CPNE8: variants seen among roughly 807,000 people sequenced by gnomAD.
CPNE8 encodes copine 8, also known as copine-8.
A neutral mutation model predicts 81.5 loss-of-function variants in CPNE8; 45 were observed. The ratio of observed to expected loss-of-function variants is 0.55; its 90% confidence interval spans 0.44 to 0.71. CPNE8 has a LOEUF of 0.71. Ranked by LOEUF, CPNE8 falls within the 30% of genes least tolerant of loss-of-function variation. CPNE8 has a pLI of 0.00. For missense variants in CPNE8, 594 were observed against 672.1 expected (o/e 0.88, Z 1.28); for synonymous variants, 252 against 226.3 (o/e 1.11, Z -1.02).
chr12:38,685,578 C>G lies in CPNE8; in HGVS notation c.1183G>C (p.Gly395Arg). ...CTCCTGTAATAAGCCTCCATGACCC[C>G]CTCAATGCCATCACAGTAGGGGTTT... The part of the protein sequence containing the change: ...PQNPYCDGIE[G>R]VMEAYYRSLK... Residue 395 changes from glycine (G) to arginine (R), a missense_variant, in exon 16 of 20, where the codon GGG (glycine) becomes CGG (arginine). Coordinates refer to ENST00000331366, the MANE Select transcript of CPNE8 (RefSeq NM_153634.3). 6.2e-7 allele frequency: 1 copy of G among 1,613,532 alleles called. No homozygotes were observed.
intron 15 of CPNE8, 159 bp from the exon 16 acceptor site, chr12:38,685,776 G>T (rs1592009006): frequency 1.8e-6 from 1 of 564,992 alleles, no homozygotes; most frequent in Non-Finnish European, 3.0e-6. Flanking sequence ...AATACATTAA[G>T]TAAGTGATCA....
chr12:38,777,302 A>G (rs745313073), intron 6 of CPNE8, among the ~76,000 whole-genome samples: 5 of 152,216 alleles, frequency 3.3e-5, no homozygotes, highest in African/African-American at 4.8e-5. Flanking sequence ...AACAGAAAAA[A>G]GATTACTGAA....
intron 8 of CPNE8, among the ~76,000 whole-genome samples, chr12:38,766,657 A>G (rs1453480984): frequency 6.6e-6 from 1 of 152,110 alleles, no homozygotes; most frequent in Non-Finnish European, 1.5e-5. Flanking sequence ...ATAACAACAT[A>G]TTGTATAGTT....
chr12:38,783,500 C>T (rs1020628293), intron 6 of CPNE8, among the ~76,000 whole-genome samples: 1 of 152,128 alleles, frequency 6.6e-6, no homozygotes. Flanking sequence ...AGGTATTGAA[C>T]TCAGTGCTGC....
intron 10 of CPNE8, among the ~76,000 whole-genome samples, chr12:38,746,158 C>G (rs1438750069): frequency 6.6e-6 from 1 of 151,936 alleles, no homozygotes; most frequent in Non-Finnish European, 1.5e-5. Context: ...ATGACAATGT[C>G]ATCACAGAGA....
intron 13 of CPNE8, among the ~76,000 whole-genome samples, chr12:38,713,949 G>A (rs1007452591): frequency 5.9e-5 from 9 of 151,994 alleles, no homozygotes; most frequent in Admixed American, 2.6e-4. Context: ...GCAGGGACTC[G>A]GTGTGCAACA....
At chr12:38,879,074 A>T (rs908968494) in intron 1 of CPNE8, among the ~76,000 whole-genome samples, 1 of 152,206 alleles carries the variant, frequency 6.6e-6, no homozygotes, top group African/African-American at 2.4e-5. Flanking sequence ...AATTTAAGTG[A>T]TCTAAATAAA....
intron 18 of CPNE8, among the ~76,000 whole-genome samples, chr12:38,675,304 T>C (rs988818232): frequency 3.3e-5 from 5 of 152,196 alleles, no homozygotes; most frequent in Non-Finnish European, 5.9e-5. Flanking sequence ...ACATTTCTTT[T>C]CACAACCTAA....
At chr12:38,861,487 A>G (rs921048090) in intron 3 of CPNE8, among the ~76,000 whole-genome samples, 6 of 152,194 alleles carry the variant, frequency 3.9e-5, no homozygotes, top group African/African-American at 1.4e-4. Context: ...AACATGACCT[A>G]CACAGAACAT....
At chr12:38,903,955 T>C (rs141984850) in intron 1 of CPNE8, among the ~76,000 whole-genome samples, 3,803 of 152,156 alleles carry the variant, frequency 0.025, 69 homozygotes, top group Non-Finnish European at 0.039. Context: ...AACAATCAGG[T>C]GATATAGTTT....
At chr12:38,808,947 G>C (rs1942879321) in intron 6 of CPNE8, among the ~76,000 whole-genome samples, 1 of 151,700 alleles carries the variant, frequency 6.6e-6, no homozygotes, top group African/African-American at 2.4e-5. Flanking sequence ...TAAAATATAT[G>C]ATATATTGAC....
intron 10 of CPNE8, among the ~76,000 whole-genome samples, chr12:38,736,001 A>G (rs1251801544): frequency 6.6e-6 from 1 of 151,832 alleles, no homozygotes; most frequent in Non-Finnish European, 1.5e-5. Context: ...TTTGCTCTCT[A>G]TGTAGATTAC....
At chr12:38,815,490 CTAA>C (rs1349270592) in intron 6 of CPNE8, among the ~76,000 whole-genome samples, 2 of 152,152 alleles carry the variant, frequency 1.3e-5, no homozygotes, top group East Asian at 1.9e-4. Context: ...CAGTTTAAAA[CTAA>C]TGATTCATTT....
At chr12:38,717,233 T>G (rs1170648049) in intron 13 of CPNE8, among the ~76,000 whole-genome samples, 1 of 151,482 alleles carries the variant, frequency 6.6e-6, no homozygotes, top group Admixed American at 6.6e-5. Context: ...AGTATGGAGA[T>G]TCCTTAAAGA....
chr12:38,792,474 T>A (rs1009120332), intron 6 of CPNE8, among the ~76,000 whole-genome samples: 4 of 150,942 alleles, frequency 2.7e-5, no homozygotes, highest in African/African-American at 9.7e-5. Flanking sequence ...AATTGAAAAA[T>A]TTAGAAGTAA....
At chr12:38,771,777 C>T (rs1941810207) in intron 7 of CPNE8, among the ~76,000 whole-genome samples, 1 of 152,068 alleles carries the variant, frequency 6.6e-6, no homozygotes, top group Admixed American at 6.6e-5. Context: ...GGATATGATA[C>T]AAAAGCATAG....
chr12:38,709,562 T>C (rs1180154989), intron 13 of CPNE8, among the ~76,000 whole-genome samples: 1 of 152,234 alleles, frequency 6.6e-6, no homozygotes, highest in East Asian at 1.9e-4. Flanking sequence ...TGATTGTTGC[T>C]GTGAGGACCA....
At chr12:38,833,127 C>A (rs1020715345) in intron 5 of CPNE8, among the ~76,000 whole-genome samples, 1 of 151,690 alleles carries the variant, frequency 6.6e-6, no homozygotes, top group African/African-American at 2.4e-5. Flanking sequence ...CCGAGGCGGG[C>A]GGATCACTTG....
upstream of CPNE8, chr12:38,906,006 C>G (rs1287506299): frequency 3.0e-6 from 3 of 990,352 alleles, no homozygotes; most frequent in African/African-American, 3.5e-5. Flanking sequence ...GCCGCGACAG[C>G]TTCCTTCTGT....
Sources: allele counts gnomAD v4.1 joint callset (sites outside exome capture counted in the v4.1 genomes callset), GRCh38; gene constraint gnomAD v4.1.1; transcripts MANE v1.5; gene names NCBI Gene and HGNC (gene_info 2026-07-23, HGNC 2026-07-21).